The following SLC35E3 variants were observed in gnomAD, a reference collection of about 807,000 sequenced individuals.
SLC35E3 encodes the protein bladder cancer-overexpressed gene 1 protein.
In SLC35E3, 28 loss-of-function variants were observed where a neutral mutation model predicts 30.8. The observed-to-expected ratio is 0.91, with a 90% confidence interval of 0.67 to 1.25. The LOEUF is 1.25. Among genes scored for constraint, SLC35E3 ranks in the 50% most tolerant of loss-of-function variants. The pLI is 0.00. For missense variants in SLC35E3, 365 were observed against 375.4 expected (o/e 0.97, Z 0.23); for synonymous variants, 146 against 149.2 (o/e 0.98, Z 0.16).
In SLC35E3 at chr12:68,764,862, G is replaced by A; in HGVS notation, c.914G>A (p.Ser305Asn). The change falls in exon 5 of 5, where the codon AGT becomes AAT. Residue 305 changes from serine (S) to asparagine (N), a missense_variant. Transcript: ENST00000398004. ...THFKLSEQEG[S>N]RSKLAQRP is the part of the protein sequence containing the mutation. ...TTTAAGCTCAGTGAACAGGAAGGAAGTAGGAGTAAACTGGCACAACGTCCT... is the reference window on the plus strand; with the variant it reads ...TTTAAGCTCAGTGAACAGGAAGGAAATAGGAGTAAACTGGCACAACGTCCT... 1 of 1,613,982 alleles carries A rather than the reference G, an allele frequency of 6.2e-7. No individual in the cohort carries two copies.
At position 68,746,767 on chromosome 12, in the gene SLC35E3, C is replaced by T; in HGVS notation, c.390C>T (p.Ile130=). 2.5e-6 allele frequency: 4 copies of T among 1,587,652 alleles called. No individual in the cohort carries two copies. Among genetic ancestry groups the T allele is most frequent in the Non-Finnish European group, 2.6e-6 (3 of 1,163,294 alleles). The part of the protein sequence containing the change: ...FCYQKTFSTR[I]QLTLIPITLG... ...ACCAGAAAACCTTCTCCACCAGAAT[C>T]CAGCTCACGCTGGTGAGTAGCTTCA... The change falls in exon 1 of 5, where the codon ATC becomes ATT. Residue 130 remains isoleucine (I), a synonymous_variant. Coordinates refer to ENST00000398004, the MANE Select transcript of SLC35E3 (RefSeq NM_018656.5).
chr12:68,754,900 A>G (rs1189763533), intron 3 of SLC35E3, among the ~76,000 whole-genome samples: 1 of 152,182 alleles, frequency 6.6e-6, no homozygotes, highest in Non-Finnish European at 1.5e-5. Flanking sequence ...GTTAGAATGT[A>G]TAATCCTCCT....
Position 68,766,656 on chromosome 12 carries a change from C to A in SLC35E3, c.*1766C>A. ...CTGGAATGCAGTGGCACAATCATGG[C>A]TCACTGCAGCCTCAGCCTCCTGGGC... On this transcript the variant is annotated 3_prime_UTR_variant, in exon 5 of 5. Transcript: ENST00000398004. 2.7e-6 allele frequency: 1 copy of A among 373,624 alleles called. No individual in the cohort carries two copies. The highest frequency in any genetic ancestry group is 5.5e-6 in the Non-Finnish European group (1 of 181,272). 23.1% of individuals were successfully genotyped at this position (373,624 alleles called of 1,614,324 possible). A position where few individuals can be genotyped will look rare whatever the true frequency, so the allele number is the denominator to read the frequency against.
intron 3 of SLC35E3, among the ~76,000 whole-genome samples, chr12:68,756,994 G>C (rs376589479): frequency 6.6e-6 from 1 of 152,302 alleles, no homozygotes; most frequent in South Asian, 2.1e-4. Flanking sequence ...CAGCCTGGGC[G>C]ACAGAGTGAG....
rs1879644477 is a variant in SLC35E3 at position 68,772,855 on chromosome 12, CA to C, written c.*7966del. 6.6e-6 allele frequency: 1 copy of C among 152,136 alleles called. No homozygotes were observed. Among genetic ancestry groups the C allele is most frequent in the African/African-American group, 2.4e-5 (1 of 41,436 alleles). The allele number at this position is 152,136 out of a possible 1,614,324, so 9.4% of individuals were successfully genotyped here. On this transcript the variant is annotated 3_prime_UTR_variant, in exon 5 of 5. Transcript: ENST00000398004. ...TCAGTTTCCTGTTTTCTCAATTTCT[CA>C]GTTTAAAATTAGAGCCCTATGGCAG...
In SLC35E3 at chr12:68,779,580, A is replaced by T. The variant is rs979587019; in HGVS notation, c.*14690A>T. 7.9e-5 allele frequency: 12 copies of T among 152,118 alleles called. No homozygotes were observed. The highest frequency in any genetic ancestry group is 6.6e-5 in the Admixed American group (1 of 15,242). The allele number at this position is 152,118 out of a possible 1,614,324, so 9.4% of individuals were successfully genotyped here. A position where few individuals can be genotyped will look rare whatever the true frequency, so the allele number is the denominator to read the frequency against. ...AAGGAAAAAAAGCTTAACAAGGGGG[A>T]ATTGAGGAAGCCATTTGCAAAACTT... On this transcript the variant is annotated 3_prime_UTR_variant, in exon 5 of 5. Coordinates refer to ENST00000398004, the MANE Select transcript of SLC35E3 (RefSeq NM_018656.5).
chr12:68,755,480 TATACTA>T (rs1455678411), intron 3 of SLC35E3, among the ~76,000 whole-genome samples: 3 of 152,240 alleles, frequency 2.0e-5, no homozygotes, highest in South Asian at 2.1e-4. Context: ...AGGTTGATGC[TATACTA>T]ATACTATTTG....
chr12:68,758,649 A>C (rs1288675246), intron 3 of SLC35E3, among the ~76,000 whole-genome samples: 1 of 151,802 alleles, frequency 6.6e-6, no homozygotes, highest in Non-Finnish European at 1.5e-5. Context: ...CTTGTGGAAA[A>C]AATTACGTTT....
At position 68,777,912 on chromosome 12, in the gene SLC35E3, GT is replaced by G. The variant is rs1221787831; in HGVS notation, c.*13025del. 1 of 152,220 alleles carries G rather than the reference GT, an allele frequency of 6.6e-6. No homozygotes were observed. The highest frequency in any genetic ancestry group is 1.5e-5 in the Non-Finnish European group (1 of 68,096). The allele number at this position is 152,220 out of a possible 1,614,324, so 9.4% of individuals were successfully genotyped here. ...GTGGGCGGATCACTTGAGATCAGGA[GT>G]TTAAGACCAGCCTGGCCAACATGGT... On this transcript the variant is annotated 3_prime_UTR_variant, in exon 5 of 5. Coordinates refer to ENST00000398004, the MANE Select transcript of SLC35E3 (RefSeq NM_018656.5).
intron 4 of SLC35E3, among the ~76,000 whole-genome samples, chr12:68,763,575 G>A (rs1879293951): frequency 6.6e-6 from 1 of 152,166 alleles, no homozygotes. Flanking sequence ...TATTAGTAGA[G>A]ACAGGGTTTC....
In SLC35E3 at chr12:68,764,906, G is replaced by A. The variant is rs1158737499; in HGVS notation, c.*16G>A. ...ACGTCCTTAATTGGGTTTTTGTGGA[G>A]AAAAGAATGTTGTCCCAAGAAGATA... On this transcript the variant is annotated 3_prime_UTR_variant, in exon 5 of 5. Coordinates refer to ENST00000398004, the MANE Select transcript of SLC35E3 (RefSeq NM_018656.5). 6.2e-7 allele frequency: 1 copy of A among 1,605,706 alleles called. No homozygotes were observed. Among genetic ancestry groups the A allele is most frequent in the Non-Finnish European group, 8.5e-7 (1 of 1,174,864 alleles).
chr12:68,757,188 G>T (rs553302546), intron 3 of SLC35E3, among the ~76,000 whole-genome samples: 2 of 152,198 alleles, frequency 1.3e-5, no homozygotes, highest in Non-Finnish European at 2.9e-5. Flanking sequence ...TACTGAATGG[G>T]GAAAAGTTGA....
chr12:68,762,491 G>T (rs1879261016), intron 4 of SLC35E3, among the ~76,000 whole-genome samples: 1 of 152,164 alleles, frequency 6.6e-6, no homozygotes, highest in South Asian at 2.1e-4. Flanking sequence ...GAGGTGGAGG[G>T]CACTGGGTTT....
chr12:68,756,195 TG>T lies in SLC35E3; in HGVS notation c.673-2960del, dbSNP rs199515723. 5.2e-3 allele frequency among the ~76,000 whole-genome samples: 793 copies of T among 151,960 alleles called. 13 individuals carry two copies. The highest frequency in any genetic ancestry group is 0.027 in the East Asian group (142 of 5,182). On this transcript the variant is annotated intron_variant, in intron 3 of 4. Coordinates refer to ENST00000398004, the MANE Select transcript of SLC35E3 (RefSeq NM_018656.5). ...AAAAGTCCTAGCCATCCTGGTTATC[TG>T]GTTTCAAACCATTGCAGCCTAGAGA...
intron 2 of SLC35E3, among the ~76,000 whole-genome samples, chr12:68,749,535 C>T (rs1337022809): frequency 6.6e-6 from 1 of 152,256 alleles, no homozygotes; most frequent in East Asian, 1.9e-4. Flanking sequence ...AAAGCAGCTA[C>T]AGTCCAGCAG....
intron 4 of SLC35E3, among the ~76,000 whole-genome samples, chr12:68,761,859 C>G (rs78124117): frequency 1.3e-5 from 2 of 152,094 alleles, no homozygotes; most frequent in Non-Finnish European, 2.9e-5. Context: ...TGGTTTTTGA[C>G]CTGAGCACCT....
chr12:68,746,751 C>T lies in SLC35E3; in HGVS notation c.374C>T (p.Thr125Ile). 6.3e-7 allele frequency: 1 copy of T among 1,595,782 alleles called. No individual in the cohort carries two copies. The highest frequency in any genetic ancestry group is 1.1e-5 in the South Asian group (1 of 89,718). Residue 125 changes from threonine (T) to isoleucine (I), a missense_variant, in exon 1 of 5, where the codon ACC becomes ATC. Transcript: ENST00000398004. Reference sequence around the variant, plus strand: ...ATCCAGACCTTCTGCTACCAGAAAACCTTCTCCACCAGAATCCAGCTCACG... The same window carrying T: ...ATCCAGACCTTCTGCTACCAGAAAATCTTCTCCACCAGAATCCAGCTCACG... ...IAIQTFCYQKTFSTRIQLTLI... is the reference protein window; with the variant it reads ...IAIQTFCYQKIFSTRIQLTLI...
chr12:68,748,986 G>A (rs1878695280), intron 2 of SLC35E3, among the ~76,000 whole-genome samples: 1 of 152,212 alleles, frequency 6.6e-6, no homozygotes, highest in Non-Finnish European at 1.5e-5. Context: ...TAGTGGCAGA[G>A]AAGCAGTTTA....
At position 68,774,800 on chromosome 12, in the gene SLC35E3, G is replaced by A. The variant is rs1348025897; in HGVS notation, c.*9910G>A. 2.9e-5 allele frequency: 4 copies of A among 136,196 alleles called. No homozygotes were observed. The highest frequency in any genetic ancestry group is 5.6e-5 in the African/African-American group (2 of 36,028). 8.4% of individuals were successfully genotyped at this position (136,196 alleles called of 1,614,324 possible). ...AAAAGTGTTGAGCAGCTAAAACAAT[G>A]CCGTTAGATGCCCTATCTCTTAAAA... On this transcript the variant is annotated 3_prime_UTR_variant, in exon 5 of 5. Transcript: ENST00000398004.
Sources: allele counts gnomAD v4.1 joint callset (sites outside exome capture counted in the v4.1 genomes callset), GRCh38; gene constraint gnomAD v4.1.1; transcripts MANE v1.5; gene names NCBI Gene and HGNC (gene_info 2026-07-23, HGNC 2026-07-21).